Variants in KIF27 observed in about 807,000 individuals in gnomAD.
The protein encoded by KIF27 is kinesin-like protein KIF27.
In KIF27, 84 loss-of-function variants were observed where a neutral mutation model predicts 141.8. The observed-to-expected ratio is 0.59, with a 90% CI of 0.50 to 0.71. The LOEUF is 0.71. KIF27 is among the 30% of genes least tolerant of loss of function. The pLI, the probability that KIF27 is intolerant of heterozygous loss-of-function variation, is 0.00. For synonymous variants in KIF27, 471 were observed against 569.5 expected, an observed-to-expected ratio of 0.83 and a Z score of 2.46; for missense variants, 1,306 against 1,628.4, an observed-to-expected ratio of 0.80 and a Z score of 3.41.
chr9:83,904,615 C>T (rs566868389), intron 3 of KIF27, among the ~76,000 whole-genome samples: 1 of 152,334 alleles, frequency 6.6e-6, no homozygotes, highest in Admixed American at 6.5e-5. Flanking sequence ...AGGTGATCCA[C>T]CTGCCTTGGC....
chr9:83,902,100 A>G (rs1953968346), intron 4 of KIF27, among the ~76,000 whole-genome samples: 1 of 152,234 alleles, frequency 6.6e-6, no homozygotes, highest in Non-Finnish European at 1.5e-5. Context: ...TGAGAACTTG[A>G]GCACTGCTGT....
chr9:83,919,135 C>T (rs1039038809), intron 1 of KIF27, among the ~76,000 whole-genome samples: 35 of 152,056 alleles, frequency 2.3e-4, no homozygotes, highest in Middle Eastern at 6.8e-3. Flanking sequence ...ACTAGCACTG[C>T]TATAATAAAA....
At position 83,903,518 on chromosome 9, in the gene KIF27, A is replaced by T. The variant is rs144003628; in HGVS notation, c.1000T>A (p.Tyr334Asn). Residue 334 changes from tyrosine (Y) to asparagine (N), a missense_variant, in exon 4 of 18, where the codon TAT becomes AAT. Physicochemically the swap from Tyr to Asn is moderately radical, Grantham distance 143 (BLOSUM62 -2). This residue lies in a region of KIF27 where 533 missense variants were observed against 565.6 expected (regional missense o/e 0.94). Coordinates refer to ENST00000297814, the MANE Select transcript of KIF27 (RefSeq NM_017576.4). ...NFDESLNSLKYANRARNIRNK... is the reference protein window; with the variant it reads ...NFDESLNSLKNANRARNIRNK... ...CTAATGTTCCGTGCTCTGTTGGCAT[A>T]TTTGAGAGAATTTAAGGACTCATCA... 23 of 1,613,954 alleles carry T rather than the reference A, an allele frequency of 1.4e-5. No homozygotes were observed. The highest frequency in any genetic ancestry group is 2.7e-5 in the African/African-American group (2 of 74,880).
chr9:83,892,009 G>T (rs1053638379), intron 5 of KIF27, among the ~76,000 whole-genome samples: 9 of 152,154 alleles, frequency 5.9e-5, no homozygotes, highest in African/African-American at 2.2e-4. Flanking sequence ...AGTCCTGAGA[G>T]GAAGGAGAAC....
chr9:83,838,495 A>G (rs1946178607), intron 17 of KIF27, among the ~76,000 whole-genome samples: 1 of 152,166 alleles, frequency 6.6e-6, no homozygotes, highest in South Asian at 2.1e-4. Flanking sequence ...TTGGCCTCCC[A>G]AAGTGCTGGG....
Position 83,918,329 on chromosome 9 carries a change from G to T in KIF27, c.-87-2651C>A, listed in dbSNP as rs1482338772. 3.3e-4 allele frequency among the ~76,000 whole-genome samples: 48 copies of T among 145,344 alleles called. 1 individual carries two copies. Among genetic ancestry groups the T allele is most frequent in the South Asian group, 1.6e-3 (7 of 4,290 alleles). On this transcript the variant is annotated intron_variant, in intron 1 of 17. Transcript: ENST00000297814. ...AAAGAGAGAACGAGAGAAATGGGGG[G>T]GGGGCAGGACAGGGAGGGAGAGGAG...
At chr9:83,883,778 T>G (rs760983289) in intron 10 of KIF27, 35 bp downstream of exon 10, 1 of 1,459,786 alleles carries the variant, frequency 6.9e-7, no homozygotes, top group South Asian at 1.1e-5. Context: ...CAAGAAAGCT[T>G]AAATAAGTTT....
At chr9:83,841,723 G>A (rs1457264574) in intron 17 of KIF27, among the ~76,000 whole-genome samples, 1 of 152,044 alleles carries the variant, frequency 6.6e-6, no homozygotes, top group South Asian at 2.1e-4. Flanking sequence ...ATTTTGTCAT[G>A]TTATTTCATT....
Position 83,837,228 on chromosome 9 carries a change from C to A in KIF27, c.3979G>T (p.Asp1327Tyr), listed in dbSNP as rs1361201084. 1.2e-6 allele frequency: 2 copies of A among 1,614,010 alleles called. No homozygotes were observed. The highest frequency in any genetic ancestry group is 2.2e-5 in the South Asian group (2 of 91,054). ...CTGTGAGATTTTGTAAACTGATTAT[C>A]ATCTGTTTCTGTTTTATTCTCATTA... ...LGNENKTETD[D>Y]NQFTKSHSRL... The change falls in exon 18 of 18, where the codon GAT (aspartate) becomes TAT (tyrosine). Residue 1327 changes from aspartate (D) to tyrosine (Y), a missense_variant. Coordinates refer to ENST00000297814, the MANE Select transcript of KIF27 (RefSeq NM_017576.4).
rs1172718146 is a variant in KIF27, at chr9:83,870,635, A to G, written c.2644-3T>C. 6.2e-7 allele frequency: 1 copy of G among 1,613,132 alleles called. No individual in the cohort carries two copies. The highest frequency in any genetic ancestry group is 1.3e-5 in the African/African-American group (1 of 74,794). The stretch of plus-strand genomic sequence containing the variant: ...TGTCCTGTTTTTAATTGTATTTCCT[A>G]TAGAAAAAGAAATTGAAAACACCTT... On this transcript the variant is annotated splice_region_variant and splice_polypyrimidine_tract_variant and intron_variant, in intron 11 of 17. Coordinates refer to ENST00000297814, the MANE Select transcript of KIF27 (RefSeq NM_017576.4).
intron 3 of KIF27, 44 bp downstream of exon 3, chr9:83,908,408 G>T: frequency 8.6e-7 from 1 of 1,160,486 alleles, no homozygotes; most frequent in Non-Finnish European, 1.3e-6. Context: ...ATTAAAGCAT[G>T]TCTGTTTGCT....
In KIF27 at chr9:83,841,119, G is replaced by A. The variant is rs1490309008; in HGVS notation, c.3721+1118C>T. ...GAGTTTCGCTCTTGTTGCCCAGGTCGGGGTGCAATGTCGTGATCTCAGCTC... is the reference window on the plus strand; with the variant it reads ...GAGTTTCGCTCTTGTTGCCCAGGTCAGGGTGCAATGTCGTGATCTCAGCTC... On this transcript the variant is annotated intron_variant, in intron 17 of 17. Transcript: ENST00000297814. Among the ~76,000 whole-genome samples, 9 of 151,484 alleles carry A rather than the reference G, an allele frequency of 5.9e-5. 1 individual carries two copies. The highest frequency in any genetic ancestry group is 4.6e-4 in the Admixed American group (7 of 15,204).
chr9:83,896,413 G>C (rs1003956184), intron 5 of KIF27, among the ~76,000 whole-genome samples: 7 of 152,086 alleles, frequency 4.6e-5, no homozygotes, highest in Non-Finnish European at 8.8e-5. Context: ...AATTAGTACA[G>C]TTCCACATAC....
In KIF27 at chr9:83,836,148, A is replaced by T. The variant is rs1437261083; in HGVS notation, c.*853T>A. Reference sequence around the variant, plus strand: ...AAAAATATCAGACTTAAGCCCATCAAATCATTAAAGATGCTTTGGCAAGAC... The same window carrying T: ...AAAAATATCAGACTTAAGCCCATCATATCATTAAAGATGCTTTGGCAAGAC... On this transcript the variant is annotated 3_prime_UTR_variant, in exon 18 of 18. Transcript: ENST00000297814. Among the ~76,000 whole-genome samples the T allele has an allele frequency of 1.3e-5, 2 of 152,194 alleles. No homozygotes were observed. The highest frequency in any genetic ancestry group is 4.8e-5 in the African/African-American group (2 of 41,434).
chr9:83,899,326 T>C (rs866525949), intron 5 of KIF27, among the ~76,000 whole-genome samples: 1 of 152,238 alleles, frequency 6.6e-6, no homozygotes. Context: ...TTAAATTATG[T>C]ATTTACCATC....
Position 83,865,308 on chromosome 9 carries a change from T to A in KIF27, c.2934+2376A>T, listed in dbSNP as rs558523496. On this transcript the variant is annotated intron_variant, in intron 13 of 17. Transcript: ENST00000297814. ...TTCCTCAACTTTATCCTCTGACCCT[T>A]TTTTTTGAGATGGAGTTTTGCTCTT... Among the ~76,000 whole-genome samples, 4 of 152,200 alleles carry A rather than the reference T, an allele frequency of 2.6e-5. No individual in the cohort carries two copies. The East Asian group carries it at 7.7e-4, about 29-fold the overall frequency.
chr9:83,894,635 CAG>C (rs1314782894), intron 5 of KIF27, among the ~76,000 whole-genome samples: 2 of 152,158 alleles, frequency 1.3e-5, no homozygotes, highest in Non-Finnish European at 2.9e-5. Context: ...GTTTCCCCGC[CAG>C]ATAACATTTT....
intron 5 of KIF27, among the ~76,000 whole-genome samples, chr9:83,896,861 G>C (rs544398123): frequency 3.3e-5 from 5 of 152,284 alleles, no homozygotes; most frequent in South Asian, 4.1e-4. Flanking sequence ...GAAATGTTTA[G>C]AATAGGCAAA....
At chr9:83,870,983 T>G (rs1167498250) in intron 11 of KIF27, among the ~76,000 whole-genome samples, 4 of 151,980 alleles carry the variant, frequency 2.6e-5, no homozygotes, top group Non-Finnish European at 5.9e-5. Flanking sequence ...TGATCATAGC[T>G]CACTGTAAGC....
Sources: allele counts gnomAD v4.1 joint callset (sites outside exome capture counted in the v4.1 genomes callset), GRCh38; gene constraint gnomAD v4.1.1; regional missense constraint gnomAD v4.1.1; transcripts MANE v1.5; gene names NCBI Gene and HGNC (gene_info 2026-07-23, HGNC 2026-07-21).